The following FADS2 variants were observed in gnomAD, a reference collection of about 807,000 sequenced individuals.
FADS2 encodes fatty acid desaturase 2.
Under a neutral mutation model 61.2 loss-of-function variants are expected in FADS2, and 18 were observed. The ratio of observed to expected loss-of-function variants is 0.29; its 90% CI spans 0.20 to 0.44. The LOEUF (loss-of-function observed/expected upper bound fraction) is 0.44. Ranked by LOEUF, FADS2 falls within the 20% of genes least tolerant of loss-of-function variation. The pLI is 1.00. For missense variants in FADS2, 322 were observed against 572.7 expected (o/e 0.56, Z 4.47); for synonymous variants, 203 against 223.9 (o/e 0.91, Z 0.83).
chr11:61,859,390 GT>G (rs1486225826), intron 7 of FADS2, among the ~76,000 whole-genome samples: 1 of 152,178 alleles, frequency 6.6e-6, no homozygotes, highest in Non-Finnish European at 1.5e-5. Context: ...GCTAACTGAA[GT>G]TGTCCTTTTC....
At chr11:61,863,205 C>T in intron 8 of FADS2, 77 bp from the exon 9 acceptor site, 2 of 1,451,656 alleles carry the variant, frequency 1.4e-6, no homozygotes, top group South Asian at 1.1e-5. Flanking sequence ...CTGTCCTGGG[C>T]TGGTTGGGAG....
intron 5 of FADS2, among the ~76,000 whole-genome samples, chr11:61,850,484 C>G (rs1020934837): frequency 1.3e-5 from 2 of 152,080 alleles, no homozygotes; most frequent in Admixed American, 1.3e-4. Flanking sequence ...CTCCTGACTT[C>G]GTGATCCGCC....
At chr11:61,837,708 C>A in intron 1 of FADS2, 70 bp from the exon 2 acceptor site, 1 of 1,086,088 alleles carries the variant, frequency 9.2e-7, no homozygotes, top group South Asian at 1.3e-5. Flanking sequence ...CTGGTGAGCA[C>A]TGTCCTCCTT....
At chr11:61,843,994 C>T (rs1394085100) in intron 4 of FADS2, among the ~76,000 whole-genome samples, 1 of 151,654 alleles carries the variant, frequency 6.6e-6, no homozygotes, top group Non-Finnish European at 1.5e-5. Context: ...AAAATTAATG[C>T]AAAAAAATCC....
chr11:61,838,049 C>T (rs761842216), intron 2 of FADS2, among the ~76,000 whole-genome samples, 161 bp downstream of exon 2: 2 of 152,104 alleles, frequency 1.3e-5, no homozygotes, highest in Non-Finnish European at 2.9e-5. Context: ...CAGGGAGGGC[C>T]TCAGAGCCTC....
chr11:61,856,729 GAGCCTC>G (rs1217155796), intron 5 of FADS2: 1 of 461,670 alleles, frequency 2.2e-6, no homozygotes, highest in Non-Finnish European at 3.9e-6. Context: ...GCTTAACGCT[GAGCCTC>G]AGCCTCAGAA....
In FADS2 at chr11:61,844,893, C is replaced by T. The variant is rs932464306; in HGVS notation, c.619-3266C>T. 4.7e-5 allele frequency among the ~76,000 whole-genome samples: 7 copies of T among 150,374 alleles called. No individual in the cohort carries two copies. In the East Asian group the frequency reaches 5.8e-4, roughly 13 times the overall value. ...TGAGCCGAGACTGCATCACTGCCCT[C>T]CAGCCTGGGCGACAGAGGAAGACTC... On this transcript the variant is annotated intron_variant, in intron 4 of 11. Coordinates refer to ENST00000278840, the MANE Select transcript of FADS2 (RefSeq NM_004265.4).
At chr11:61,861,480 T>A (rs1336381083) in intron 7 of FADS2, among the ~76,000 whole-genome samples, 2 of 149,872 alleles carry the variant, frequency 1.3e-5, no homozygotes, top group African/African-American at 4.9e-5. Flanking sequence ...AGATCCCATC[T>A]CCAAAAAAAA....
rs142843367 is a variant in FADS2, at chr11:61,840,405, C to T, written c.390C>T (p.His130=). ...ACATGAACCTGTTCAAGACCAACCA[C>T]GTGTTCTTCCTCCTCCTCCTGGCCC... is the stretch of plus-strand genomic sequence containing the variant. ...AEDMNLFKTN[H]VFFLLLLAHI... Residue 130 remains histidine (H), a synonymous_variant, in exon 3 of 12, where the codon CAC becomes CAT. Coordinates refer to ENST00000278840, the MANE Select transcript of FADS2 (RefSeq NM_004265.4). 99 of 1,614,078 alleles carry T rather than the reference C, an allele frequency of 6.1e-5. No individual in the cohort carries two copies. Among genetic ancestry groups the T allele is most frequent in the Non-Finnish European group, 8.1e-5 (96 of 1,180,026 alleles).
At chr11:61,833,229 C>T (rs898104421) in intron 1 of FADS2, among the ~76,000 whole-genome samples, 1 of 152,206 alleles carries the variant, frequency 6.6e-6, no homozygotes, top group African/African-American at 2.4e-5. Context: ...CCCGGGTCCT[C>T]TTCCTGGAAA....
Position 61,863,692 on chromosome 11 carries a change from C to A in FADS2, c.1078-15C>A. 6.2e-7 allele frequency: 1 copy of A among 1,610,730 alleles called. No homozygotes were observed. The highest frequency in any genetic ancestry group is 8.5e-7 in the Non-Finnish European group (1 of 1,176,900). On this transcript the variant is annotated splice_polypyrimidine_tract_variant and intron_variant, in intron 9 of 11. Coordinates refer to ENST00000278840, the MANE Select transcript of FADS2 (RefSeq NM_004265.4). ...CCTTCCTTTGTTCCCTGACACTCAT[C>A]CCCTCCACTGACAGCTGACAGCCAC...
At chr11:61,827,855 C>A, upstream of FADS2, 1 of 189,166 alleles carries the variant, frequency 5.3e-6, no homozygotes, top group Non-Finnish European at 9.9e-6. This position sits in a 1 kb window ranked among gnomAD's most constrained non-coding sequence, Gnocchi z 4.5. Flanking sequence ...TAGCCTGCCT[C>A]GCAGCAGGGC....
At chr11:61,839,580 C>T (rs2067201886) in intron 2 of FADS2, among the ~76,000 whole-genome samples, 1 of 152,200 alleles carries the variant, frequency 6.6e-6, no homozygotes, top group Admixed American at 6.5e-5. Flanking sequence ...GCCTCGGCCA[C>T]CCAAAGTGCT....
chr11:61,853,668 C>T (rs1052302432), intron 5 of FADS2, among the ~76,000 whole-genome samples: 1 of 152,096 alleles, frequency 6.6e-6, no homozygotes, highest in Non-Finnish European at 1.5e-5. Context: ...GGCAGACCTT[C>T]ATGAACAGGC....
chr11:61,863,757 T>C lies in FADS2; in HGVS notation c.1128T>C (p.Ser376=), dbSNP rs377337685. ...AGTCCTTCTTCAACGACTGGTTCAGTGGACACCTTAACTTCCAGATTGAGC... is the reference window on the plus strand; with the variant it reads ...AGTCCTTCTTCAACGACTGGTTCAGCGGACACCTTAACTTCCAGATTGAGC... ...VEQSFFNDWF[S]GHLNFQIEHH... is the part of the protein sequence containing the mutation. Residue 376 remains serine (S), a synonymous_variant, in exon 10 of 12, where the codon AGT becomes AGC. Transcript: ENST00000278840. The C allele has an allele frequency of 6.2e-7, 1 of 1,614,104 alleles. No homozygotes were observed. Among genetic ancestry groups the C allele is most frequent in the Non-Finnish European group, 8.5e-7 (1 of 1,179,970 alleles).
chr11:61,822,227 C>A (rs2067041032), intron 1 of FADS2, among the ~76,000 whole-genome samples: 1 of 152,218 alleles, frequency 6.6e-6, no homozygotes, highest in South Asian at 2.1e-4. Context: ...CCTCAGACTC[C>A]CAAAGTGCTG....
intron 1 of FADS2, among the ~76,000 whole-genome samples, chr11:61,818,205 T>C (rs2067003671): frequency 6.6e-6 from 1 of 152,200 alleles, no homozygotes; most frequent in African/African-American, 2.4e-5. Flanking sequence ...AAGGATTAAT[T>C]CATTCCATCC....
upstream of FADS2, among the ~76,000 whole-genome samples, chr11:61,824,764 T>C (rs2067069203): frequency 6.6e-6 from 1 of 152,120 alleles, no homozygotes; most frequent in Admixed American, 6.5e-5. Context: ...ATGGTTAGCA[T>C]CTGATGCAGA....
At chr11:61,857,987 T>C (rs1221435576) in intron 7 of FADS2, among the ~76,000 whole-genome samples, 1 of 152,194 alleles carries the variant, frequency 6.6e-6, no homozygotes, top group Non-Finnish European at 1.5e-5. Flanking sequence ...GCAGCAGCGA[T>C]GTGTTTTCTC....
Sources: allele counts gnomAD v4.1 joint callset (sites outside exome capture counted in the v4.1 genomes callset), GRCh38; gene constraint gnomAD v4.1.1; non-coding constraint Gnocchi (gnomAD v3.1); transcripts MANE v1.5; gene names NCBI Gene and HGNC (gene_info 2026-07-23, HGNC 2026-07-21).